The following HS3ST3A1 variants were observed in gnomAD, a reference collection of about 807,000 sequenced individuals.
HS3ST3A1 encodes the protein heparan sulfate-glucosamine 3-sulfotransferase 3A1, also known as heparan sulfate glucosamine 3-O-sulfotransferase 3A1.
A neutral mutation model predicts 25.7 loss-of-function variants in HS3ST3A1; 19 were observed. That is an observed-to-expected ratio of 0.74 (90% CI 0.52 to 1.08). HS3ST3A1 has a LOEUF of 1.08. HS3ST3A1 is among the 50% of genes least tolerant of loss of function. The pLI is 0.00. For missense variants in HS3ST3A1, 459 were observed against 594.3 expected (o/e 0.77, Z 2.37); for synonymous variants, 226 against 278.6 (o/e 0.81, Z 1.88).
At chr17:13,497,246 G>C (rs1248874921) in intron 1 of HS3ST3A1, among the ~76,000 whole-genome samples, 1 of 152,074 alleles carries the variant, frequency 6.6e-6, no homozygotes, top group Non-Finnish European at 1.5e-5. Flanking sequence ...CCTTCCTGTA[G>C]TTTTCTTATA....
intron 1 of HS3ST3A1, among the ~76,000 whole-genome samples, chr17:13,583,598 C>T (rs115796079): frequency 0.021 from 3,172 of 152,250 alleles, 118 homozygotes; most frequent in African/African-American, 0.072. Flanking sequence ...TAAAGGCCTA[C>T]CCTTAGATTT....
intron 1 of HS3ST3A1, among the ~76,000 whole-genome samples, chr17:13,587,251 C>T (rs757418093): frequency 6.6e-6 from 1 of 151,918 alleles, no homozygotes; most frequent in South Asian, 2.1e-4. Context: ...GTCAGGAGAT[C>T]GAGATCATCC....
chr17:13,556,887 A>T (rs1426340020), intron 1 of HS3ST3A1, among the ~76,000 whole-genome samples: 2 of 152,006 alleles, frequency 1.3e-5, no homozygotes, highest in African/African-American at 4.8e-5. Flanking sequence ...ATCAGCATAA[A>T]CAGAAATGCA....
intron 1 of HS3ST3A1, among the ~76,000 whole-genome samples, chr17:13,497,876 A>G (rs1274577444): frequency 1.3e-5 from 2 of 152,188 alleles, no homozygotes; most frequent in African/African-American, 2.4e-5. Flanking sequence ...TTGTTCATGG[A>G]ATTTGTGATT....
chr17:13,536,274 A>G (rs954242358), intron 1 of HS3ST3A1, among the ~76,000 whole-genome samples: 1 of 149,972 alleles, frequency 6.7e-6, no homozygotes, highest in Non-Finnish European at 1.5e-5. Context: ...AGCTTATGCT[A>G]TTTTTTAAAA....
intron 1 of HS3ST3A1, among the ~76,000 whole-genome samples, chr17:13,527,078 A>G (rs977960981): frequency 6.6e-6 from 1 of 152,094 alleles, no homozygotes; most frequent in Non-Finnish European, 1.5e-5. Flanking sequence ...CAAACAACCT[A>G]CCTGCTTTGC....
At chr17:13,577,419 T>C (rs899456475) in intron 1 of HS3ST3A1, among the ~76,000 whole-genome samples, 2 of 152,142 alleles carry the variant, frequency 1.3e-5, no homozygotes, top group Non-Finnish European at 2.9e-5. Context: ...AAAGAAGACC[T>C]TCCTTCCCCA....
chr17:13,526,361 C>T (rs1032490943), intron 1 of HS3ST3A1, among the ~76,000 whole-genome samples: 2 of 150,750 alleles, frequency 1.3e-5, no homozygotes, highest in Non-Finnish European at 3.0e-5. Context: ...ACTGACAGTG[C>T]TTTTTCCTTC....
At chr17:13,588,345 C>G (rs1908332218) in intron 1 of HS3ST3A1, among the ~76,000 whole-genome samples, 1 of 151,938 alleles carries the variant, frequency 6.6e-6, no homozygotes, top group Non-Finnish European at 1.5e-5. Flanking sequence ...CATAGTGAGT[C>G]TATTCGTGGT....
rs1274101765 is a variant in HS3ST3A1, at chr17:13,580,833, G to A, written c.599+19698C>T. Among the ~76,000 whole-genome samples, 16 of 152,240 alleles carry A rather than the reference G, an allele frequency of 1.1e-4. No individual in the cohort carries two copies. In the East Asian group the frequency reaches 1.7e-3, roughly 17 times the overall value. On this transcript the variant is annotated intron_variant, in intron 1 of 1. Transcript: ENST00000284110. The stretch of plus-strand genomic sequence containing the variant: ...TTGAACCCAGGAGGCGGAGGTTGTC[G>A]TGAGCCGAGATCACGCCATTGCACT...
At chr17:13,519,568 GTGA>G (rs1174053043) in intron 1 of HS3ST3A1, among the ~76,000 whole-genome samples, 4 of 152,010 alleles carry the variant, frequency 2.6e-5, no homozygotes, top group East Asian at 1.9e-4. Context: ...GATGATGATG[GTGA>G]TGATAATTTG....
At chr17:13,571,493 C>T (rs1433540509) in intron 1 of HS3ST3A1, among the ~76,000 whole-genome samples, 1 of 152,200 alleles carries the variant, frequency 6.6e-6, no homozygotes. Flanking sequence ...AGGTTACCAA[C>T]TGGCCAACCT....
chr17:13,513,670 A>G (rs952991963), intron 1 of HS3ST3A1, among the ~76,000 whole-genome samples: 1 of 152,194 alleles, frequency 6.6e-6, no homozygotes, highest in Non-Finnish European at 1.5e-5. Context: ...CATTAATTAC[A>G]CATCTACTTC....
At chr17:13,592,588 G>C (rs983956854) in intron 1 of HS3ST3A1, among the ~76,000 whole-genome samples, 1 of 152,178 alleles carries the variant, frequency 6.6e-6, no homozygotes, top group African/African-American at 2.4e-5. Flanking sequence ...TCCCTTGCAC[G>C]AAAGCAGTTG....
chr17:13,524,048 T>C (rs1428331010), intron 1 of HS3ST3A1, among the ~76,000 whole-genome samples: 1 of 152,202 alleles, frequency 6.6e-6, no homozygotes, highest in African/African-American at 2.4e-5. Flanking sequence ...TTTAGCTGCA[T>C]GTTTGATTTC....
At chr17:13,516,560 T>A (rs1424216843) in intron 1 of HS3ST3A1, among the ~76,000 whole-genome samples, 1 of 152,220 alleles carries the variant, frequency 6.6e-6, no homozygotes, top group Admixed American at 6.5e-5. Context: ...CATGAAGCCT[T>A]AATAAAGCTT....
intron 1 of HS3ST3A1, among the ~76,000 whole-genome samples, chr17:13,529,448 G>T (rs1348614003): frequency 2.0e-5 from 3 of 151,008 alleles, no homozygotes; most frequent in Non-Finnish European, 4.4e-5. Context: ...ATCATAATTT[G>T]CTTTTATTAA....
intron 1 of HS3ST3A1, among the ~76,000 whole-genome samples, chr17:13,547,665 T>G (rs1265326900): frequency 6.6e-6 from 1 of 152,188 alleles, no homozygotes; most frequent in East Asian, 1.9e-4. Flanking sequence ...AAACTGGTTA[T>G]AATAAGTACA....
intron 1 of HS3ST3A1, among the ~76,000 whole-genome samples, chr17:13,594,515 A>G (rs891302323): frequency 2.6e-5 from 4 of 151,830 alleles, no homozygotes; most frequent in Non-Finnish European, 5.9e-5. Context: ...AGGGGAAGGA[A>G]CAGGCCTGCA....
Sources: allele counts gnomAD v4.1 joint callset (sites outside exome capture counted in the v4.1 genomes callset), GRCh38; gene constraint gnomAD v4.1.1; transcripts MANE v1.5; gene names NCBI Gene and HGNC (gene_info 2026-07-23, HGNC 2026-07-21).